PGD: variants seen among roughly 807,000 people sequenced by gnomAD.
PGD encodes 6-phosphogluconate dehydrogenase, decarboxylating.
Under a neutral mutation model 60.4 loss-of-function variants are expected in PGD, and 21 were observed. That is an observed-to-expected ratio of 0.35 (90% CI 0.25 to 0.50). The LOEUF (loss-of-function observed/expected upper bound fraction) is 0.50. Ranked by LOEUF, PGD falls within the 20% of genes least tolerant of loss-of-function variation. PGD has a pLI of 0.98. For synonymous variants in PGD, 230 were observed against 235.9 expected, an observed-to-expected ratio of 0.97 and a Z score of 0.23; for missense variants, 477 against 613.1, an observed-to-expected ratio of 0.78 and a Z score of 2.34.
chr1:10,407,643 A>C (rs1639429664), intron 5 of PGD, among the ~76,000 whole-genome samples: 1 of 152,112 alleles, frequency 6.6e-6, no homozygotes, highest in Admixed American at 6.6e-5. Flanking sequence ...TCCACCTCCC[A>C]TTAGAAAGAA....
rs199929432 is a variant in PGD, at chr1:10,417,100, C to T, written c.958C>T (p.Leu320=). The part of the protein sequence containing the change: ...FQFDGDKKSF[L]EDIRKALYAS... ...GTTTGATGGTGATAAGAAATCATTC[C>T]TGGAGGACATTCGGAAGGTGGGACA... Residue 320 remains leucine, a synonymous_variant, in exon 9 of 13, where the codon CTG becomes TTG. Coordinates refer to ENST00000270776, the MANE Select transcript of PGD (RefSeq NM_002631.4). 1.2e-6 allele frequency: 2 copies of T among 1,613,932 alleles called. No homozygotes were observed. The highest frequency in any genetic ancestry group is 2.7e-5 in the African/African-American group (2 of 75,024).
At chr1:10,416,369 T>G (rs1639594209) in intron 8 of PGD, among the ~76,000 whole-genome samples, 1 of 152,246 alleles carries the variant, frequency 6.6e-6, no homozygotes, top group Admixed American at 6.5e-5. Context: ...CTTAAGAGTT[T>G]TAGTTATCAA....
intron 5 of PGD, among the ~76,000 whole-genome samples, chr1:10,407,573 G>T (rs1386555364): frequency 1.3e-5 from 2 of 152,226 alleles, no homozygotes; most frequent in Non-Finnish European, 2.9e-5. Flanking sequence ...GCCAGTTTCA[G>T]TCAAGGGTCT....
chr1:10,403,869 A>G (rs556651768), intron 4 of PGD, among the ~76,000 whole-genome samples: 1 of 152,340 alleles, frequency 6.6e-6, no homozygotes, highest in South Asian at 2.1e-4. Flanking sequence ...GGTCTTTTCC[A>G]GTAAAATGCC....
intron 6 of PGD, among the ~76,000 whole-genome samples, chr1:10,410,955 A>G (rs540516484): frequency 2.0e-5 from 3 of 152,180 alleles, no homozygotes; most frequent in East Asian, 3.9e-4. Context: ...TTCAGTAGCC[A>G]TTAGGAACAA....
chr1:10,399,503 C>A, intron 1 of PGD, 126 bp from the exon 2 acceptor site: 1 of 865,248 alleles, frequency 1.2e-6, no homozygotes, highest in Non-Finnish European at 1.8e-6. Flanking sequence ...CTTCTGGGGG[C>A]CCGCGGGAGG....
intron 3 of PGD, 36 bp from the exon 4 acceptor site, chr1:10,403,034 AT>A (rs35368710): frequency 6.7e-6 from 9 of 1,346,996 alleles, no homozygotes; most frequent in African/African-American, 1.4e-5. Context: ...GGTATGTTTC[AT>A]TTTTGGTCCA....
Position 10,399,525 on chromosome 1 carries a change from G to A in PGD, c.9-104G>A, listed in dbSNP as rs1639274368. 5.7e-6 allele frequency: 6 copies of A among 1,049,536 alleles called. No individual in the cohort carries two copies. The East Asian group carries it at 1.5e-4, about 25-fold the overall frequency. The allele number at this position is 1,049,536 out of a possible 1,614,324, so 65.0% of individuals were successfully genotyped here. A position where few individuals can be genotyped will look rare whatever the true frequency, so the allele number is the denominator to read the frequency against. On this transcript the variant is annotated intron_variant, in intron 1 of 12. Coordinates refer to ENST00000270776, the MANE Select transcript of PGD (RefSeq NM_002631.4). ...GGGCCCGCGGGAGGCGCGGAGGAAA[G>A]TGCAGACTCCCAGTCACGGCCAAAT... is the stretch of plus-strand genomic sequence containing the variant.
chr1:10,408,522 C>G (rs1335245338), intron 6 of PGD, among the ~76,000 whole-genome samples: 1 of 152,196 alleles, frequency 6.6e-6, no homozygotes, highest in Non-Finnish European at 1.5e-5. Flanking sequence ...ATTGAAGGTA[C>G]TGTTGCTGTG....
intron 11 of PGD, 51 bp downstream of exon 11, chr1:10,418,976 C>A: frequency 1.0e-6 from 1 of 995,588 alleles, no homozygotes; most frequent in Non-Finnish European, 1.6e-6. Flanking sequence ...CTGGGGCCAT[C>A]AGTTGTGATG....
intron 3 of PGD, among the ~76,000 whole-genome samples, 186 bp downstream of exon 3, chr1:10,400,758 T>C (rs1365141077): frequency 6.6e-6 from 1 of 152,182 alleles, no homozygotes. Flanking sequence ...ACTTTGTCCT[T>C]TGGTGGTAGT....
chr1:10,403,328 A>G (rs984258661), intron 4 of PGD, among the ~76,000 whole-genome samples, 192 bp downstream of exon 4: 1 of 152,058 alleles, frequency 6.6e-6, no homozygotes, highest in Non-Finnish European at 1.5e-5. Flanking sequence ...GTGGTGGCTC[A>G]CACCTGTAAT....
intron 9 of PGD, 119 bp downstream of exon 9, chr1:10,417,236 G>A: frequency 6.9e-7 from 1 of 1,451,410 alleles, no homozygotes; most frequent in African/African-American, 1.4e-5. Context: ...GTTCAGCCTT[G>A]ACTTGGATCT....
chr1:10,417,515 TGA>T lies in PGD; in HGVS notation c.1109+10_1109+11del. The T allele has an allele frequency of 6.2e-7, 1 of 1,605,534 alleles. No homozygotes were observed. The highest frequency in any genetic ancestry group is 8.5e-7 in the Non-Finnish European group (1 of 1,175,642). ...GGGGGCTGCATCATTAGAAGGTAAG[TGA>T]GAGGCAGCCCAGGGTCCGACGGGAA... On this transcript the variant is annotated splice_region_variant and intron_variant, in intron 10 of 12. Transcript: ENST00000270776.
intron 5 of PGD, among the ~76,000 whole-genome samples, chr1:10,407,864 T>G (rs962256093): frequency 6.6e-6 from 1 of 151,560 alleles, no homozygotes; most frequent in African/African-American, 2.4e-5. Context: ...GAAGATTACT[T>G]GAACCTGGGA....
chr1:10,402,547 G>A (rs752704768), intron 3 of PGD, among the ~76,000 whole-genome samples: 25 of 151,152 alleles, frequency 1.7e-4, no homozygotes, highest in Non-Finnish European at 3.5e-4. Context: ...TTTTGAGACG[G>A]GGTCTCACTC....
chr1:10,401,079 C>T (rs1261359475), intron 3 of PGD, among the ~76,000 whole-genome samples: 1 of 152,186 alleles, frequency 6.6e-6, no homozygotes, highest in Non-Finnish European at 1.5e-5. Flanking sequence ...GTGGCTCATG[C>T]CTGTAATCCC....
chr1:10,399,754 C>G, intron 2 of PGD, 50 bp downstream of exon 2: 2 of 1,510,354 alleles, frequency 1.3e-6, no homozygotes, highest in South Asian at 2.2e-5. Flanking sequence ...GGCGCTTTAG[C>G]CGAGGCCGGC....
intron 3 of PGD, among the ~76,000 whole-genome samples, chr1:10,401,804 A>G (rs1267583425): frequency 6.6e-6 from 1 of 152,150 alleles, no homozygotes; most frequent in East Asian, 1.9e-4. Flanking sequence ...TCATGAGGTC[A>G]GGAGATCGAG....
Sources: allele counts gnomAD v4.1 joint callset (sites outside exome capture counted in the v4.1 genomes callset), GRCh38; gene constraint gnomAD v4.1.1; transcripts MANE v1.5; gene names NCBI Gene and HGNC (gene_info 2026-07-23, HGNC 2026-07-21).